CGGBP1: variants seen among roughly 807,000 people sequenced by gnomAD.
CGGBP1 encodes the protein CGG triplet repeat binding protein 1, also known as CGG triplet repeat-binding protein 1.
CGGBP1 carries 4 observed loss-of-function variants against 11.4 expected under a neutral mutation model. That is an observed-to-expected ratio of 0.35 (90% CI 0.17 to 0.80). The LOEUF (loss-of-function observed/expected upper bound fraction) is 0.80, where lower values mean the gene tolerates loss of function less well. Ranked by LOEUF, CGGBP1 falls within the 30% of genes least tolerant of loss-of-function variation. The pLI, the probability that CGGBP1 is intolerant of heterozygous loss-of-function variation, is 0.52. For synonymous variants in CGGBP1, 76 were observed against 74.1 expected, an observed-to-expected ratio of 1.03 and a Z score of -0.13; for missense variants, 135 against 202.1, an observed-to-expected ratio of 0.67 and a Z score of 2.01.
In CGGBP1 at chr3:88,089,364, G is replaced by T. The variant is rs138086929; in HGVS notation, c.-228-31141C>A. On this transcript the variant is annotated intron_variant, in intron 2 of 3. Transcript: ENST00000462901. ...AAATTAGCCAGGCGTGGTGGCAAGC[G>T]CCTGTAATCCCAGCTACTTGGGAGG... Among the ~76,000 whole-genome samples the T allele has an allele frequency of 5.3e-5, 8 of 151,784 alleles. 1 individual carries two copies. The highest frequency in any genetic ancestry group is 3.3e-4 in the Admixed American group (5 of 15,230).
chr3:88,075,806 C>G (rs1188877068), intron 2 of CGGBP1, among the ~76,000 whole-genome samples: 1 of 151,758 alleles, frequency 6.6e-6, no homozygotes, highest in Non-Finnish European at 1.5e-5. Flanking sequence ...GTAGTGTCTT[C>G]CGTAATGTTA....
intron 2 of CGGBP1, chr3:88,126,046 G>A (rs1576331247): frequency 7.9e-7 from 1 of 1,257,988 alleles, no homozygotes; most frequent in Non-Finnish European, 1.0e-6. Context: ...TGCCTCACTG[G>A]CCATCAGTCA....
chr3:88,128,076 G>C (rs779755222), intron 2 of CGGBP1, among the ~76,000 whole-genome samples: 2 of 152,014 alleles, frequency 1.3e-5, no homozygotes, highest in Non-Finnish European at 2.9e-5. Flanking sequence ...TTAATTATTT[G>C]TCCTTGGGCA....
At chr3:88,119,403 GA>G (rs1705627363) in intron 2 of CGGBP1, among the ~76,000 whole-genome samples, 2 of 79,836 alleles carry the variant, frequency 2.5e-5, no homozygotes, top group African/African-American at 4.7e-5. Flanking sequence ...GGGGAGGGGG[GA>G]GGGGGGAGGG....
At chr3:88,090,830 A>G (rs1708593749) in intron 2 of CGGBP1, among the ~76,000 whole-genome samples, 1 of 152,210 alleles carries the variant, frequency 6.6e-6, no homozygotes, top group South Asian at 2.1e-4. Flanking sequence ...CATACATAAA[A>G]TACAGTAACA....
At chr3:88,087,555 A>G (rs1383464662) in intron 2 of CGGBP1, among the ~76,000 whole-genome samples, 2 of 152,240 alleles carry the variant, frequency 1.3e-5, no homozygotes, top group African/African-American at 4.8e-5. Flanking sequence ...CGATTTCTAC[A>G]GTTTTCTGGG....
chr3:88,119,557 A>G (rs1003988973), intron 2 of CGGBP1, among the ~76,000 whole-genome samples: 6 of 152,068 alleles, frequency 3.9e-5, no homozygotes, highest in South Asian at 2.1e-4. Context: ...ATTAAAAAAA[A>G]AAAAACAATA....
intron 2 of CGGBP1, among the ~76,000 whole-genome samples, chr3:88,074,544 G>T (rs567542758): frequency 9.2e-5 from 14 of 152,090 alleles, no homozygotes; most frequent in African/African-American, 3.1e-4. Context: ...ATTTCACCAT[G>T]TTGGCCAGGC....
chr3:88,060,882 A>C (rs980091410), upstream of CGGBP1, among the ~76,000 whole-genome samples: 27 of 152,072 alleles, frequency 1.8e-4, no homozygotes, highest in African/African-American at 6.3e-4. Context: ...TTTTCAGGTA[A>C]GTTTTTAATG....
chr3:88,059,266 C>T (rs562910146), upstream of CGGBP1: 120 of 1,531,922 alleles, frequency 7.8e-5, 1 homozygote, highest in South Asian at 1.3e-3. Flanking sequence ...GCCTAGGCAT[C>T]TACGGCGGCG....
chr3:88,059,570 C>G (rs889083315), upstream of CGGBP1: 3 of 1,443,328 alleles, frequency 2.1e-6, no homozygotes, highest in African/African-American at 4.3e-5. Flanking sequence ...GTCTCCTGGT[C>G]TTCTCGTCCA....
rs1384635865 is a variant in CGGBP1, at chr3:88,066,607, A to G, written c.-228-8384T>C. ...AAAAAACAAAAAAACCTCAATTTTA[A>G]TTTTGTAGATAAAATGGCAGGAGGA... On this transcript the variant is annotated intron_variant, in intron 2 of 3. Transcript: ENST00000462901. 2.0e-5 allele frequency among the ~76,000 whole-genome samples: 3 copies of G among 152,162 alleles called. No individual in the cohort carries two copies. In the East Asian group the frequency reaches 5.8e-4, roughly 29 times the overall value.
At chr3:88,108,846 A>G (rs1704905450) in intron 2 of CGGBP1, among the ~76,000 whole-genome samples, 1 of 152,110 alleles carries the variant, frequency 6.6e-6, no homozygotes, top group Non-Finnish European at 1.5e-5. Flanking sequence ...AAAAAATTGT[A>G]TGCTGAGGTT....
intron 2 of CGGBP1, chr3:88,140,150 G>A (rs1255678921): frequency 6.4e-7 from 1 of 1,558,252 alleles, no homozygotes; most frequent in East Asian, 2.4e-5. Context: ...AGTCGTTTAA[G>A]CTGCCGTTCC....
chr3:88,062,600 A>AT (rs1706948236), upstream of CGGBP1, among the ~76,000 whole-genome samples: 2 of 152,186 alleles, frequency 1.3e-5, no homozygotes, highest in African/African-American at 4.8e-5. Flanking sequence ...AATACACTGA[A>AT]TTTTTTGTCA....
intron 2 of CGGBP1, among the ~76,000 whole-genome samples, chr3:88,136,146 G>C (rs1333918690): frequency 6.6e-6 from 1 of 152,054 alleles, no homozygotes; most frequent in Non-Finnish European, 1.5e-5. Flanking sequence ...CATTTGATGT[G>C]CATCAGAATC....
intron 2 of CGGBP1, among the ~76,000 whole-genome samples, chr3:88,074,917 C>T (rs1426585468): frequency 6.6e-6 from 1 of 152,116 alleles, no homozygotes; most frequent in Non-Finnish European, 1.5e-5. Flanking sequence ...ATAACTTGTG[C>T]TTATATTTTA....
At chr3:88,097,766 G>C (rs1261501946) in intron 2 of CGGBP1, among the ~76,000 whole-genome samples, 1 of 152,156 alleles carries the variant, frequency 6.6e-6, no homozygotes, top group Non-Finnish European at 1.5e-5. Context: ...CAGAAATAAA[G>C]ATGTTCTTTG....
intron 2 of CGGBP1, among the ~76,000 whole-genome samples, chr3:88,115,830 G>A (rs1277831987): frequency 6.6e-6 from 1 of 151,970 alleles, no homozygotes; most frequent in African/African-American, 2.4e-5. Flanking sequence ...AGCAGTTTTC[G>A]AGATTCCCAA....
Sources: gnomAD v4.1 joint callset for allele counts (sites outside exome capture counted in the v4.1 genomes callset) on GRCh38, gnomAD v4.1.1 for gene constraint, MANE v1.5 for transcripts, NCBI Gene and HGNC (gene_info 2026-07-23, HGNC 2026-07-21) for gene names.